TRIP4: variants seen among roughly 807,000 people sequenced by gnomAD.
The protein encoded by TRIP4 is activating signal cointegrator 1.
A neutral mutation model predicts 81.8 loss-of-function variants in TRIP4; 54 were observed. The ratio of observed to expected loss-of-function variants is 0.66; its 90% CI spans 0.53 to 0.83. TRIP4 has a LOEUF of 0.83. Among genes scored for constraint, TRIP4 ranks in the 40% least tolerant of loss-of-function variants. The pLI is 0.00. For missense variants in TRIP4, 662 were observed against 683.6 expected (o/e 0.97, Z 0.35); for synonymous variants, 270 against 242.8 (o/e 1.11, Z -1.04).
At chr15:64,424,203 C>A (rs1014605774) in intron 10 of TRIP4, 48 bp downstream of exon 10, 14 of 1,605,890 alleles carry the variant, frequency 8.7e-6, no homozygotes, top group South Asian at 2.2e-5. Context: ...GGAGAGAAGT[C>A]ATTGACGTTC....
chr15:64,410,664 T>G (rs1378386798), intron 7 of TRIP4, among the ~76,000 whole-genome samples: 1 of 152,104 alleles, frequency 6.6e-6, no homozygotes. Flanking sequence ...GAGAATATAA[T>G]TATAGTCTTG....
intron 11 of TRIP4, among the ~76,000 whole-genome samples, chr15:64,436,961 C>T (rs1014997749): frequency 1.3e-5 from 2 of 151,338 alleles, no homozygotes; most frequent in Non-Finnish European, 2.9e-5. Context: ...CCTGCCTCAG[C>T]CTCCCAGAGT....
chr15:64,424,613 C>T (rs1169922975), intron 10 of TRIP4, among the ~76,000 whole-genome samples: 1 of 152,158 alleles, frequency 6.6e-6, no homozygotes, highest in Non-Finnish European at 1.5e-5. Flanking sequence ...AAAAAGACTT[C>T]TGACCTTTGG....
At chr15:64,450,789 T>C in intron 12 of TRIP4, 1 of 455,868 alleles carries the variant, frequency 2.2e-6, no homozygotes, top group South Asian at 1.5e-5. Context: ...CAGAGATTAG[T>C]CTGCCTACAA....
At chr15:64,428,658 G>T (rs749192457) in intron 11 of TRIP4, among the ~76,000 whole-genome samples, 4 of 152,064 alleles carry the variant, frequency 2.6e-5, no homozygotes, top group Non-Finnish European at 5.9e-5. Flanking sequence ...GCCCAGGCTG[G>T]AATGCAGTGG....
At chr15:64,453,771 C>T (rs1338628472) in intron 12 of TRIP4, among the ~76,000 whole-genome samples, 1 of 152,192 alleles carries the variant, frequency 6.6e-6, no homozygotes, top group East Asian at 1.9e-4. Flanking sequence ...GATATACAGA[C>T]AGACTAATGT....
At position 64,388,293 on chromosome 15, in the gene TRIP4, C is replaced by T. The variant is rs188115291; in HGVS notation, c.101+329C>T. On this transcript the variant is annotated intron_variant, in intron 1 of 12. Coordinates refer to ENST00000261884, the MANE Select transcript of TRIP4 (RefSeq NM_016213.5). ...GTATTTCCTAACTTTGAACCCCTTA[C>T]TCTTTTATTTATTTATTATTATTGT... Among the ~76,000 whole-genome samples the T allele has an allele frequency of 3.9e-5, 6 of 152,134 alleles. No individual in the cohort carries two copies. The East Asian group carries it at 1.2e-3, about 29-fold the overall frequency.
chr15:64,434,826 T>C (rs959377878), intron 11 of TRIP4, among the ~76,000 whole-genome samples: 1 of 152,172 alleles, frequency 6.6e-6, no homozygotes, highest in African/African-American at 2.4e-5. Context: ...AGAAAGAATA[T>C]GCTGTAGTGT....
rs539065074 is a variant in TRIP4 at position 64,411,012 on chromosome 15, A to C, written c.1043+1184A>C. On this transcript the variant is annotated intron_variant, in intron 7 of 12. Transcript: ENST00000261884. Reference sequence around the variant, plus strand: ...TCTTTGGCTCATCAAATTTGGCTTAAATTTTTTTTAAAGGATAATATTGCA... The same window carrying C: ...TCTTTGGCTCATCAAATTTGGCTTACATTTTTTTTAAAGGATAATATTGCA... 5.9e-5 allele frequency among the ~76,000 whole-genome samples: 9 copies of C among 152,288 alleles called. No homozygotes were observed. The East Asian group carries it at 1.3e-3, about 23-fold the overall frequency.
intron 8 of TRIP4, among the ~76,000 whole-genome samples, chr15:64,414,662 G>A (rs1891853457): frequency 6.6e-6 from 1 of 151,508 alleles, no homozygotes; most frequent in Non-Finnish European, 1.5e-5. Flanking sequence ...GACTACAGGT[G>A]CCCGCTACCA....
At chr15:64,433,570 C>G (rs1297841896) in intron 11 of TRIP4, among the ~76,000 whole-genome samples, 1 of 152,150 alleles carries the variant, frequency 6.6e-6, no homozygotes, top group African/African-American at 2.4e-5. Flanking sequence ...CACCATTGCA[C>G]TCCAGCCCAG....
Position 64,402,998 on chromosome 15 carries a change from T to C in TRIP4, c.697+2177T>C, listed in dbSNP as rs369952604. Among the ~76,000 whole-genome samples the C allele has an allele frequency of 1.4e-3, 216 of 152,182 alleles. 1 individual carries two copies. The highest frequency in any genetic ancestry group is 4.9e-3 in the African/African-American group (204 of 41,528). ...CCTCAGCCTCCTGAGTAGTTGAGAC[T>C]GGCGACGCCCGCCACCATGCCCGGC... On this transcript the variant is annotated intron_variant, in intron 5 of 12. Transcript: ENST00000261884.
chr15:64,395,572 A>T (rs1399407312), intron 3 of TRIP4, 41 bp downstream of exon 3: 2 of 1,579,470 alleles, frequency 1.3e-6, no homozygotes, highest in Non-Finnish European at 1.7e-6. Flanking sequence ...ACTATTGGAG[A>T]AGAGGAAGTG....
chr15:64,425,562 T>G lies in TRIP4; in HGVS notation c.1506T>G (p.Tyr502Ter). ...RGKDVEFPND[Y>*]PSGCLLGCVD... is the part of the protein sequence containing the mutation. ...CAGATGTGGAATTTCCTAATGACTA[T>G]CCGTCAGGTTGTCTTCTGGGCTGTG... Residue 502 changes from tyrosine (Y) to a stop codon, truncating the protein, a stop_gained, in exon 11 of 13, where the codon TAT becomes TAG. Transcript: ENST00000261884. LOFTEE classifies it high-confidence loss of function. 6.2e-7 allele frequency: 1 copy of G among 1,611,980 alleles called. No homozygotes were observed. The highest frequency in any genetic ancestry group is 8.5e-7 in the Non-Finnish European group (1 of 1,179,342).
intron 7 of TRIP4, among the ~76,000 whole-genome samples, chr15:64,412,343 T>G (rs1891783952): frequency 2.0e-5 from 3 of 152,144 alleles, no homozygotes; most frequent in South Asian, 2.1e-4. Context: ...GGCCTTTGTT[T>G]CTGATTTTTC....
At chr15:64,422,877 C>T (rs1381391705) in intron 9 of TRIP4, among the ~76,000 whole-genome samples, 1 of 152,140 alleles carries the variant, frequency 6.6e-6, no homozygotes, top group East Asian at 1.9e-4. Context: ...TTGGTTCATT[C>T]CCCATATCGT....
At chr15:64,442,979 A>G (rs2140311962) in intron 11 of TRIP4, among the ~76,000 whole-genome samples, 1 of 151,618 alleles carries the variant, frequency 6.6e-6, no homozygotes, top group East Asian at 1.9e-4. Context: ...TAACAGGGTA[A>G]GACTCCATCT....
intron 9 of TRIP4, 37 bp from the exon 10 acceptor site, chr15:64,423,994 A>G: frequency 6.2e-7 from 1 of 1,611,846 alleles, no homozygotes. Context: ...GGAAACTAGA[A>G]TTTATATCCT....
chr15:64,426,957 G>T (rs1465812846), intron 11 of TRIP4, among the ~76,000 whole-genome samples: 1 of 151,954 alleles, frequency 6.6e-6, no homozygotes, highest in Admixed American at 6.6e-5. Context: ...CCGAGATCAT[G>T]CCACTGCGCT....
Sources: allele counts gnomAD v4.1 joint callset (sites outside exome capture counted in the v4.1 genomes callset), GRCh38; gene constraint gnomAD v4.1.1; transcripts MANE v1.5; gene names NCBI Gene and HGNC (gene_info 2026-07-23, HGNC 2026-07-21).